Variants in OGFOD1 observed in about 807,000 individuals in gnomAD.
The protein encoded by OGFOD1 is 2-oxoglutarate and iron dependent oxygenase domain containing 1, also known as prolyl 3-hydroxylase OGFOD1.
A neutral mutation model predicts 67.7 loss-of-function variants in OGFOD1; 54 were observed. The ratio of observed to expected loss-of-function variants is 0.80; its 90% CI spans 0.64 to 1.00. The LOEUF (loss-of-function observed/expected upper bound fraction) is 1.00. Ranked by LOEUF, OGFOD1 falls within the 50% of genes least tolerant of loss-of-function variation. OGFOD1 has a pLI of 0.00. For missense variants in OGFOD1, 606 were observed against 646.7 expected (o/e 0.94, Z 0.68); for synonymous variants, 221 against 227.0 (o/e 0.97, Z 0.24).
At chr16:56,473,726 T>C (rs1395402626) in intron 10 of OGFOD1, among the ~76,000 whole-genome samples, 2 of 152,208 alleles carry the variant, frequency 1.3e-5, no homozygotes, top group Non-Finnish European at 2.9e-5. Context: ...ATGAGTTGCC[T>C]GTCATTACCT....
intron 11 of OGFOD1, among the ~76,000 whole-genome samples, chr16:56,475,183 C>A (rs1245218400): frequency 6.6e-6 from 1 of 152,152 alleles, no homozygotes; most frequent in Non-Finnish European, 1.5e-5. Context: ...CATAATTTTC[C>A]CCTAAGTGTG....
intron 8 of OGFOD1, among the ~76,000 whole-genome samples, chr16:56,469,018 T>C (rs560934256): frequency 7.2e-5 from 11 of 152,246 alleles, no homozygotes; most frequent in South Asian, 6.2e-4. Flanking sequence ...AGCAATTTTA[T>C]AGCTGACATT....
chr16:56,463,394 T>G (rs1179915269), intron 4 of OGFOD1, among the ~76,000 whole-genome samples: 5 of 131,098 alleles, frequency 3.8e-5, no homozygotes, highest in East Asian at 2.1e-4. Flanking sequence ...GTTTTTTTTT[T>G]TTTTTTTTTT....
intron 2 of OGFOD1, chr16:56,453,656 G>T: frequency 3.2e-6 from 1 of 313,334 alleles, no homozygotes; most frequent in Non-Finnish European, 5.9e-6. Context: ...TGTTCAAAGT[G>T]CAAGCTCTGT....
intron 4 of OGFOD1, among the ~76,000 whole-genome samples, chr16:56,464,253 G>T (rs1962821717): frequency 6.6e-6 from 1 of 152,144 alleles, no homozygotes; most frequent in East Asian, 1.9e-4. Context: ...TGTATCAGGT[G>T]GTGCATGGTT....
In OGFOD1 at chr16:56,470,580, CA is replaced by C; in HGVS notation, c.1076del (p.Asn359ThrfsTer5). On this transcript the variant is annotated frameshift_variant, in exon 10 of 13. Transcript: ENST00000566157. LOFTEE classifies it high-confidence loss of function. ...RSEALFLLLS[N>X]FTGLKLHFLA... ...CTGAGGCACTATTCTTGCTGCTCTC[CA>C]ACTTCACAGGCCTGAAGCTTCATTT... 6.2e-7 allele frequency: 1 copy of C among 1,614,120 alleles called. No homozygotes were observed. The highest frequency in any genetic ancestry group is 8.5e-7 in the Non-Finnish European group (1 of 1,179,994).
rs768062295 is a variant in OGFOD1 at position 56,470,529 on chromosome 16, G to A, written c.1023G>A (p.Leu341=). 5 of 1,613,828 alleles carry A rather than the reference G, an allele frequency of 3.1e-6. No individual in the cohort carries two copies. The highest frequency in any genetic ancestry group is 2.2e-5 in the East Asian group (1 of 44,898). ...KAEESKLPEI[L]KECMKLFRSE... ...AGGAGAGTAAGCTTCCTGAGATATTGAAGGAGTGCATGAAGTTATTTCGCT... is the reference window on the plus strand; with the variant it reads ...AGGAGAGTAAGCTTCCTGAGATATTAAAGGAGTGCATGAAGTTATTTCGCT... Residue 341 remains leucine, a synonymous_variant, in exon 10 of 13, where the codon TTG becomes TTA. Coordinates refer to ENST00000566157, the MANE Select transcript of OGFOD1 (RefSeq NM_018233.4).
chr16:56,463,211 G>A (rs892989897), intron 4 of OGFOD1, among the ~76,000 whole-genome samples: 15 of 151,864 alleles, frequency 9.9e-5, no homozygotes, highest in Non-Finnish European at 8.8e-5. Flanking sequence ...TCACCCAGAA[G>A]GAAAAGGTTT....
intron 12 of OGFOD1, among the ~76,000 whole-genome samples, chr16:56,475,819 G>A (rs1963443567): frequency 6.6e-6 from 1 of 152,216 alleles, no homozygotes; most frequent in Non-Finnish European, 1.5e-5. Context: ...ATCTTACAAT[G>A]TAGTAAGAAA....
intron 1 of OGFOD1, chr16:56,452,008 A>T (rs1962354955): frequency 2.1e-6 from 1 of 485,988 alleles, no homozygotes; most frequent in South Asian, 3.0e-5. Flanking sequence ...AGCAGAGGGT[A>T]TGCAAGAGAT....
chr16:56,451,977 G>A (rs1962354047), intron 1 of OGFOD1, among the ~76,000 whole-genome samples: 1 of 152,228 alleles, frequency 6.6e-6, no homozygotes, highest in African/African-American at 2.4e-5. Context: ...AGGGAGAAAT[G>A]GAGGCCGGAG....
intron 10 of OGFOD1, among the ~76,000 whole-genome samples, chr16:56,472,784 ATATATATTGTTCTGTATTTTTTCCACTT>A (rs1963258069): frequency 6.6e-6 from 1 of 152,104 alleles, no homozygotes; most frequent in Non-Finnish European, 1.5e-5. Context: ...AGATTATACC[ATATATATTGTTCTGTATTTTTTCCACTT>A]AATATTTCAT....
rs1963568056 is a variant in OGFOD1, at chr16:56,478,376, G to A, written c.*2171G>A. The A allele has an allele frequency of 6.6e-6, 1 of 152,194 alleles. No homozygotes were observed. Among genetic ancestry groups the A allele is most frequent in the Admixed American group, 6.5e-5 (1 of 15,284 alleles). The allele number at this position is 152,194 out of a possible 1,614,324, so 9.4% of individuals were successfully genotyped here. On this transcript the variant is annotated 3_prime_UTR_variant, in exon 13 of 13. Coordinates refer to ENST00000566157, the MANE Select transcript of OGFOD1 (RefSeq NM_018233.4). ...GGGTTTCACCATGTTGGCCAGGCTG[G>A]AGACCACAATTTTTTAACCACAGTG...
At chr16:56,472,205 A>T (rs1411901048) in intron 10 of OGFOD1, among the ~76,000 whole-genome samples, 1 of 152,080 alleles carries the variant, frequency 6.6e-6, no homozygotes, top group Non-Finnish European at 1.5e-5. Flanking sequence ...CCTAGGCTCA[A>T]GTAATCCTCC....
rs1963585453 is a variant in OGFOD1, at chr16:56,478,786, A to G, written c.*2581A>G. ...AACACATAATCATCTTTTATACACT[A>G]CAAAAAGGGACTCGGGTGTCTGAGG... is the stretch of plus-strand genomic sequence containing the variant. On this transcript the variant is annotated 3_prime_UTR_variant, in exon 13 of 13. Coordinates refer to ENST00000566157, the MANE Select transcript of OGFOD1 (RefSeq NM_018233.4). 1 of 152,212 alleles carries G rather than the reference A, an allele frequency of 6.6e-6. No individual in the cohort carries two copies. The highest frequency in any genetic ancestry group is 2.1e-4 in the South Asian group (1 of 4,834). 9.4% of individuals were successfully genotyped at this position (152,212 alleles called of 1,614,324 possible).
chr16:56,467,291 G>T lies in OGFOD1; in HGVS notation c.784G>T (p.Asp262Tyr), dbSNP rs1962944603. The change falls in exon 7 of 13, where the codon GAT becomes TAT. Residue 262 changes from aspartate to tyrosine, a missense_variant and splice_region_variant. Physicochemically the swap from Asp to Tyr is radical, Grantham distance 160. Transcript: ENST00000566157. ...PIPRSPHIPQ[D>Y]HEILYDWINP... ...ACCTCGGAGCCCTCACATCCCACAA[G>T]ATGTAAGAAGAATTGCTGATATCCT... The T allele has an allele frequency of 6.2e-7, 1 of 1,613,948 alleles. No individual in the cohort carries two copies. Among genetic ancestry groups the T allele is most frequent in the African/African-American group, 1.3e-5 (1 of 74,890 alleles).
chr16:56,467,730 AC>A (rs1332546035), intron 7 of OGFOD1, among the ~76,000 whole-genome samples, 174 bp from the exon 8 acceptor site: 2 of 152,038 alleles, frequency 1.3e-5, no homozygotes, highest in Admixed American at 6.6e-5. Context: ...CCCGGCCTAC[AC>A]TTTTCTTAAG....
intron 4 of OGFOD1, 128 bp from the exon 5 acceptor site, chr16:56,466,024 G>C: frequency 1.5e-6 from 1 of 647,674 alleles, no homozygotes. Context: ...TCATTTTAAA[G>C]CTGGAGGACA....
chr16:56,471,472 T>C (rs1195478266), intron 10 of OGFOD1, among the ~76,000 whole-genome samples: 5 of 152,090 alleles, frequency 3.3e-5, no homozygotes, highest in Admixed American at 6.5e-5. Context: ...TATAACAGCC[T>C]AAGAATTTAA....
Sources: allele counts gnomAD v4.1 joint callset (sites outside exome capture counted in the v4.1 genomes callset), GRCh38; gene constraint gnomAD v4.1.1; transcripts MANE v1.5; gene names NCBI Gene and HGNC (gene_info 2026-07-23, HGNC 2026-07-21).